BMAL1: variants seen among roughly 807,000 people sequenced by gnomAD.
BMAL1 encodes the protein basic helix-loop-helix ARNT like 1.
the BMAL1 span, among the ~76,000 whole-genome samples, chr11:13,313,495 C>G: frequency 5.9e-5 from 9 of 152,154 alleles, no homozygotes; most frequent in African/African-American, 1.9e-4. Context: ...CCTGTGCTGC[C>G]TGCTTGGTCC....
the BMAL1 span, among the ~76,000 whole-genome samples, chr11:13,341,903 C>T: frequency 6.6e-6 from 1 of 152,236 alleles, no homozygotes; most frequent in Admixed American, 6.5e-5. Context: ...AGGGGCATGT[C>T]AAGGCCAAGG....
the BMAL1 span, among the ~76,000 whole-genome samples, chr11:13,368,611 G>A: frequency 3.3e-5 from 5 of 152,144 alleles, 1 homozygote; most frequent in African/African-American, 4.8e-5. Context: ...GCCATTCCTC[G>A]GCACACTTGC....
chr11:13,378,259 A>G, the BMAL1 span: 4 of 1,459,524 alleles, frequency 2.7e-6, no homozygotes, highest in African/African-American at 4.3e-5. Context: ...TCATGGGATA[A>G]ACTGGTTTTA....
At chr11:13,334,055 C>T in the BMAL1 span, among the ~76,000 whole-genome samples, 11 of 152,146 alleles carry the variant, frequency 7.2e-5, no homozygotes, top group African/African-American at 1.2e-4. Context: ...AAGCTCCGTA[C>T]GTGAATTGTC....
the BMAL1 span, among the ~76,000 whole-genome samples, chr11:13,280,660 A>T: frequency 2.0e-5 from 3 of 152,230 alleles, no homozygotes; most frequent in Non-Finnish European, 4.4e-5. Context: ...AGCTAGGGAC[A>T]CAGGCATGTT....
At chr11:13,277,941 G>C in the BMAL1 span, 1 of 151,258 alleles carries the variant, frequency 6.6e-6, no homozygotes, top group African/African-American at 2.4e-5. Flanking sequence ...TCAGGCCGGC[G>C]GCGGCCAGCG....
the BMAL1 span, among the ~76,000 whole-genome samples, chr11:13,384,403 A>G: frequency 1.3e-5 from 2 of 152,228 alleles, no homozygotes; most frequent in Admixed American, 6.5e-5. Context: ...AGGTATTTCA[A>G]AATCATGTAA....
the BMAL1 span, chr11:13,355,267 A>G: frequency 1.9e-6 from 3 of 1,613,936 alleles, no homozygotes; most frequent in Non-Finnish European, 2.5e-6. Context: ...TGGAGGTCAG[A>G]TGCCCACTAG....
chr11:13,316,793 G>T, the BMAL1 span, among the ~76,000 whole-genome samples: 2 of 152,238 alleles, frequency 1.3e-5, no homozygotes, highest in South Asian at 2.1e-4. Flanking sequence ...GGAGAAGGGG[G>T]ACGTTAGCCA....
At chr11:13,309,905 T>A in the BMAL1 span, 4 of 152,652 alleles carry the variant, frequency 2.6e-5, no homozygotes, top group African/African-American at 4.8e-5. Context: ...AGAAGCAGAA[T>A]GGGCATCCCA....
chr11:13,309,162 T>C, the BMAL1 span, among the ~76,000 whole-genome samples: 230 of 152,150 alleles, frequency 1.5e-3, 2 homozygotes, highest in Non-Finnish European at 1.3e-4. Flanking sequence ...ATCATGAACT[T>C]GGTCTGGGAT....
chr11:13,374,187 A>AATGT, the BMAL1 span: 1 of 1,613,720 alleles, frequency 6.2e-7, no homozygotes, highest in Non-Finnish European at 8.5e-7. Context: ...CATCTTGCAG[A>AATGT]ATGTCATAGG....
At chr11:13,368,244 A>G in the BMAL1 span, among the ~76,000 whole-genome samples, 7 of 152,346 alleles carry the variant, frequency 4.6e-5, no homozygotes, top group East Asian at 1.2e-3. Context: ...GGCATAGAGA[A>G]CGGATGATTA....
the BMAL1 span, among the ~76,000 whole-genome samples, chr11:13,298,813 C>A: frequency 1.3e-5 from 2 of 152,252 alleles, no homozygotes; most frequent in Non-Finnish European, 2.9e-5. Context: ...CCTTCTCAGG[C>A]TGAATTAAGT....
At chr11:13,338,340 C>G in the BMAL1 span, among the ~76,000 whole-genome samples, 3 of 152,098 alleles carry the variant, frequency 2.0e-5, no homozygotes, top group Non-Finnish European at 2.9e-5. Context: ...CTGGGAAGAT[C>G]CCGAGACTCG....
At chr11:13,354,260 T>C in the BMAL1 span, 1 of 1,282,268 alleles carries the variant, frequency 7.8e-7, no homozygotes. Flanking sequence ...TGAGAGCTCA[T>C]CGAAATAAAC....
At chr11:13,281,151 C>G in the BMAL1 span, among the ~76,000 whole-genome samples, 7 of 152,298 alleles carry the variant, frequency 4.6e-5, no homozygotes, top group African/African-American at 1.7e-4. Flanking sequence ...CGGGTCCTAT[C>G]ACTAGAATAT....
At chr11:13,331,035 T>A in the BMAL1 span, among the ~76,000 whole-genome samples, 1 of 152,112 alleles carries the variant, frequency 6.6e-6, no homozygotes, top group African/African-American at 2.4e-5. Context: ...TTGCCTAGGG[T>A]CCCATTAAGA....
the BMAL1 span, among the ~76,000 whole-genome samples, chr11:13,348,028 C>T: frequency 1.3e-3 from 205 of 152,170 alleles, no homozygotes; most frequent in Non-Finnish European, 2.2e-3. Context: ...GGAGGAGACA[C>T]GCCTACAAGC....
Sources: gnomAD v4.1 joint callset for allele counts (sites outside exome capture counted in the v4.1 genomes callset) on GRCh38, gnomAD v4.1.1 for gene constraint, MANE v1.5 for transcripts, NCBI Gene and HGNC (gene_info 2026-07-23, HGNC 2026-07-21) for gene names.